The following SLC44A5 variants were observed in gnomAD, a reference collection of about 807,000 sequenced individuals.
SLC44A5 encodes the protein solute carrier family 44 member 5, also known as choline transporter-like protein 5.
SLC44A5 carries 57 observed loss-of-function variants against 101.8 expected under a neutral mutation model. The ratio of observed to expected loss-of-function variants is 0.56; its 90% CI spans 0.45 to 0.70. SLC44A5 has a LOEUF of 0.70. SLC44A5 is among the 30% of genes least tolerant of loss of function. The probability of loss-of-function intolerance (pLI) is 0.00; values close to 1 mark genes in which losing one functional copy is unlikely to be tolerated. For synonymous variants in SLC44A5, 281 were observed against 290.9 expected, an observed-to-expected ratio of 0.97 and a Z score of 0.35; for missense variants, 737 against 853.1, an observed-to-expected ratio of 0.86 and a Z score of 1.70.
the SLC44A5 span, among the ~76,000 whole-genome samples, chr1:75,656,333 T>G: frequency 6.6e-6 from 1 of 152,140 alleles, no homozygotes; most frequent in Admixed American, 6.6e-5. Context: ...AATTCGCTGG[T>G]AAAAGTAAGT....
the SLC44A5 span, among the ~76,000 whole-genome samples, chr1:75,629,372 A>C: frequency 6.6e-6 from 1 of 152,218 alleles, no homozygotes; most frequent in Non-Finnish European, 1.5e-5. Context: ...AAGCAAACAA[A>C]GAATCTGGGC....
chr1:75,406,591 A>G (rs1323565281), intron 2 of SLC44A5, among the ~76,000 whole-genome samples: 1 of 152,220 alleles, frequency 6.6e-6, no homozygotes, highest in East Asian at 1.9e-4. Context: ...CATCACATAA[A>G]TGGAACCAAT....
chr1:75,480,806 A>G (rs1667793410), intron 2 of SLC44A5, among the ~76,000 whole-genome samples: 1 of 152,222 alleles, frequency 6.6e-6, no homozygotes, highest in Non-Finnish European at 1.5e-5. Context: ...AAGAATCAAC[A>G]TTGTGAAAAT....
chr1:75,409,799 G>A (rs1352847847), intron 2 of SLC44A5, among the ~76,000 whole-genome samples: 2 of 152,084 alleles, frequency 1.3e-5, no homozygotes, highest in Non-Finnish European at 2.9e-5. Flanking sequence ...ATGTAGGGCA[G>A]GAGTCTCCCA....
At chr1:75,498,569 C>T (rs1376297051) in intron 2 of SLC44A5, among the ~76,000 whole-genome samples, 5 of 152,000 alleles carry the variant, frequency 3.3e-5, no homozygotes, top group African/African-American at 9.7e-5. Context: ...CATGCTAATC[C>T]AGTTTTTTTT....
At chr1:75,355,604 C>T (rs758213840) in intron 3 of SLC44A5, among the ~76,000 whole-genome samples, 6 of 152,118 alleles carry the variant, frequency 3.9e-5, no homozygotes, top group Non-Finnish European at 5.9e-5. Context: ...CATAATGATG[C>T]TTCAGTCAAT....
intron 4 of SLC44A5, among the ~76,000 whole-genome samples, chr1:75,323,415 T>C (rs1017730494): frequency 2.0e-5 from 3 of 152,196 alleles, no homozygotes; most frequent in African/African-American, 7.2e-5. Flanking sequence ...TGTGCATGTG[T>C]CTTTATAGCA....
chr1:75,452,565 G>A (rs1665965481), intron 2 of SLC44A5, among the ~76,000 whole-genome samples: 1 of 152,116 alleles, frequency 6.6e-6, no homozygotes, highest in African/African-American at 2.4e-5. Flanking sequence ...AATCTTAAAT[G>A]TAAATAGTCT....
intron 12 of SLC44A5, 42 bp downstream of exon 12, chr1:75,233,944 A>G (rs768811622): frequency 7.2e-7 from 1 of 1,379,432 alleles, no homozygotes; most frequent in South Asian, 1.2e-5. Flanking sequence ...AAATAAAAGG[A>G]TTATTCTGAT....
intron 2 of SLC44A5, among the ~76,000 whole-genome samples, chr1:75,446,689 A>G (rs1425438072): frequency 6.6e-6 from 1 of 151,680 alleles, no homozygotes; most frequent in Admixed American, 6.6e-5. Context: ...CACACACACA[A>G]TGGTTGAATG....
chr1:75,641,353 A>C, the SLC44A5 span: 1 of 745,236 alleles, frequency 1.3e-6, no homozygotes, highest in Non-Finnish European at 2.4e-6. Context: ...TCTTAACATT[A>C]GTATCGTCTC....
intron 3 of SLC44A5, among the ~76,000 whole-genome samples, chr1:75,386,053 G>A (rs1372814957): frequency 7.9e-5 from 12 of 152,024 alleles, no homozygotes; most frequent in Admixed American, 5.2e-4. Context: ...TTGATGGGAC[G>A]TATTTCAAAA....
intron 5 of SLC44A5, 106 bp from the exon 6 acceptor site, chr1:75,275,148 C>T: frequency 1.4e-6 from 1 of 721,170 alleles, no homozygotes; most frequent in Non-Finnish European, 2.4e-6. Context: ...CCTCTCCCCT[C>T]AGTCACAGAA....
At chr1:75,266,602 TAGTC>T (rs1247414829) in intron 6 of SLC44A5, among the ~76,000 whole-genome samples, 3 of 152,194 alleles carry the variant, frequency 2.0e-5, no homozygotes, top group African/African-American at 4.8e-5. Flanking sequence ...ATAGTAATAA[TAGTC>T]AGACTCACTT....
In SLC44A5 at chr1:75,391,667, A is replaced by C. The variant is rs556838128; in HGVS notation, c.52+4916T>G. Among the ~76,000 whole-genome samples the C allele has an allele frequency of 3.8e-4, 58 of 152,322 alleles. 1 individual carries two copies. The South Asian group carries it at 9.7e-3, about 26-fold the overall frequency. On this transcript the variant is annotated intron_variant, in intron 3 of 23. Coordinates refer to ENST00000370859, the MANE Select transcript of SLC44A5 (RefSeq NM_001130058.2). The stretch of plus-strand genomic sequence containing the variant: ...ATGGTGTTGTGGTAGCTGGCTATCC[A>C]TATGCAAAAGAAAGAAACTAGACCT...
At chr1:75,355,094 T>C (rs1193908622) in intron 3 of SLC44A5, among the ~76,000 whole-genome samples, 2 of 152,344 alleles carry the variant, frequency 1.3e-5, no homozygotes, top group East Asian at 3.9e-4. Context: ...TTTAGTAATA[T>C]ACATTTAGTC....
chr1:75,621,661 A>G, the SLC44A5 span, among the ~76,000 whole-genome samples: 3 of 152,120 alleles, frequency 2.0e-5, no homozygotes, highest in African/African-American at 7.2e-5. Flanking sequence ...CAATTTTAAT[A>G]ATATTGTAAC....
chr1:75,284,370 T>G (rs749198067), intron 5 of SLC44A5, among the ~76,000 whole-genome samples: 2 of 152,062 alleles, frequency 1.3e-5, no homozygotes, highest in South Asian at 2.1e-4. Context: ...ACTTTCTTTA[T>G]TTATACTGAA....
At chr1:75,407,312 C>A (rs1662943670) in intron 2 of SLC44A5, among the ~76,000 whole-genome samples, 1 of 152,092 alleles carries the variant, frequency 6.6e-6, no homozygotes, top group Non-Finnish European at 1.5e-5. Context: ...TCAATGCCAT[C>A]CCCATCAAGC....
Sources: allele counts gnomAD v4.1 joint callset (sites outside exome capture counted in the v4.1 genomes callset), GRCh38; gene constraint gnomAD v4.1.1; transcripts MANE v1.5; gene names NCBI Gene and HGNC (gene_info 2026-07-23, HGNC 2026-07-21).